The following ABCB1 variants were observed in gnomAD, a reference collection of about 807,000 sequenced individuals.
ABCB1 encodes ATP binding cassette subfamily B member 1, also known as ATP-dependent translocase ABCB1.
In ABCB1, 69 loss-of-function variants were observed where a neutral mutation model predicts 142.0. The ratio of observed to expected loss-of-function variants is 0.49; its 90% CI spans 0.40 to 0.59. The LOEUF is 0.59. Ranked by LOEUF, ABCB1 falls within the 20% of genes least tolerant of loss-of-function variation. ABCB1 has a pLI of 0.00. For missense variants in ABCB1, 1,326 were observed against 1,554.7 expected (o/e 0.85, Z 2.47); for synonymous variants, 532 against 539.2 (o/e 0.99, Z 0.18).
intron 1 of ABCB1, among the ~76,000 whole-genome samples, chr7:87,639,174 A>AC (rs1251347941): frequency 2.0e-5 from 3 of 151,730 alleles, no homozygotes. Flanking sequence ...AAAAAAAAAA[A>AC]AATCTATTGT....
chr7:87,702,162 A>AC (rs1471982944), intron 1 of ABCB1, among the ~76,000 whole-genome samples: 16 of 150,114 alleles, frequency 1.1e-4, no homozygotes, highest in African/African-American at 3.9e-4. Flanking sequence ...AAAAAAAAAA[A>AC]AAAAAAAAAA....
At chr7:87,692,767 A>C (rs1055107168) in intron 1 of ABCB1, among the ~76,000 whole-genome samples, 1 of 152,240 alleles carries the variant, frequency 6.6e-6, no homozygotes, top group African/African-American at 2.4e-5. Flanking sequence ...TCTGATTTAC[A>C]TTCAATGTTG....
chr7:87,622,016 T>C (rs1306059981), intron 1 of ABCB1, among the ~76,000 whole-genome samples: 1 of 152,158 alleles, frequency 6.6e-6, no homozygotes, highest in African/African-American at 2.4e-5. Flanking sequence ...ATAGGTTAAC[T>C]ATTTTTGATA....
At chr7:87,643,731 T>A (rs1822686813) in intron 1 of ABCB1, among the ~76,000 whole-genome samples, 1 of 151,790 alleles carries the variant, frequency 6.6e-6, no homozygotes, top group Non-Finnish European at 1.5e-5. Flanking sequence ...TTCACCATAT[T>A]GCCCAGGCTA....
At chr7:87,605,419 C>A (rs547842778), upstream of ABCB1, among the ~76,000 whole-genome samples, 1 of 152,302 alleles carries the variant, frequency 6.6e-6, no homozygotes, top group South Asian at 2.1e-4. Context: ...TAGGCATGAG[C>A]CACCACGCCC....
chr7:87,572,601 T>G (rs1231588049), intron 4 of ABCB1, among the ~76,000 whole-genome samples: 1 of 152,170 alleles, frequency 6.6e-6, no homozygotes, highest in Non-Finnish European at 1.5e-5. Flanking sequence ...TAAAGACACA[T>G]GCATGCATAT....
At chr7:87,674,164 G>A (rs2130540924) in intron 1 of ABCB1, among the ~76,000 whole-genome samples, 1 of 152,320 alleles carries the variant, frequency 6.6e-6, no homozygotes, top group East Asian at 1.9e-4. Context: ...CGAGGTGGTG[G>A]CAGTGGGATT....
intron 2 of ABCB1, among the ~76,000 whole-genome samples, chr7:87,598,589 A>C (rs142271545): frequency 7.6e-4 from 116 of 152,330 alleles, no homozygotes; most frequent in African/African-American, 2.6e-3. Context: ...CTATTATAAC[A>C]ATGGAAGTTC....
intron 25 of ABCB1, among the ~76,000 whole-genome samples, chr7:87,514,006 A>G (rs28401800): frequency 6.6e-6 from 1 of 152,222 alleles, no homozygotes; most frequent in African/African-American, 2.4e-5. Flanking sequence ...GAAAATATAA[A>G]GCAAGAGAGT....
At chr7:87,625,610 G>A (rs1339415190) in intron 1 of ABCB1, among the ~76,000 whole-genome samples, 1 of 152,254 alleles carries the variant, frequency 6.6e-6, no homozygotes, top group Non-Finnish European at 1.5e-5. Context: ...ATTTGTCATT[G>A]CCAGCGCAAA....
At chr7:87,700,887 G>A (rs1397209540) in intron 1 of ABCB1, among the ~76,000 whole-genome samples, 2 of 152,130 alleles carry the variant, frequency 1.3e-5, no homozygotes, top group Non-Finnish European at 2.9e-5. Flanking sequence ...TAAAACTGTT[G>A]GAACCTTAGC....
At chr7:87,691,229 A>C (rs1827988558) in intron 1 of ABCB1, among the ~76,000 whole-genome samples, 2 of 152,304 alleles carry the variant, frequency 1.3e-5, no homozygotes, top group South Asian at 4.1e-4. Context: ...AAAATTATGA[A>C]TCAATTATTT....
At position 87,536,504 on chromosome 7, in the gene ABCB1, C is replaced by T; in HGVS notation, c.2435G>A (p.Gly812Glu). The T allele has an allele frequency of 2.5e-6, 4 of 1,613,926 alleles. No homozygotes were observed. Among genetic ancestry groups the T allele is most frequent in the Non-Finnish European group, 3.4e-6 (4 of 1,179,888 alleles). The change falls in exon 20 of 28, where the codon GGA (glycine) becomes GAA (glutamate). Residue 812 changes from glycine to glutamate, a missense_variant. Physicochemically the swap from Gly to Glu is moderately conservative, Grantham distance 98 (BLOSUM62 -2). Coordinates refer to ENST00000622132, the MANE Select transcript of ABCB1 (RefSeq NM_001348946.2). Reference sequence around the variant, plus strand: ...ATTGGCGAGCCTGGTAGTCAATGCTCCAGTGGTGTTTTTAGGGTCATCAAA... The same window carrying T: ...ATTGGCGAGCCTGGTAGTCAATGCTTCAGTGGTGTTTTTAGGGTCATCAAA... ...SWFDDPKNTT[G>E]ALTTRLANDA...
rs370840500 is a variant in ABCB1 at position 87,589,805 on chromosome 7, G to GGAGAGAGAGAGAGAGA, written c.118-4141_118-4126dup. ...AAAAAAAGAAAGAGAGAGAGAGAGA[G>GGAGAGAGAGAGAGAGA]GAGAGAGAGAGAGAGAGAGAGAGAG... On this transcript the variant is annotated intron_variant, in intron 3 of 27. Transcript: ENST00000622132. Among the ~76,000 whole-genome samples, 568 of 105,318 alleles carry GGAGAGAGAGAGAGAGA rather than the reference G, an allele frequency of 5.4e-3. 11 individuals carry two copies. The highest frequency in any genetic ancestry group is 0.026 in the African/African-American group (433 of 16,968). The allele number at this position is 105,318 out of a possible 152,430, so 69.1% of individuals were successfully genotyped here. A position where few individuals can be genotyped will look rare whatever the true frequency, so the allele number is the denominator to read the frequency against.
At chr7:87,642,441 T>C (rs1241735869) in intron 1 of ABCB1, among the ~76,000 whole-genome samples, 1 of 152,110 alleles carries the variant, frequency 6.6e-6, no homozygotes, top group African/African-American at 2.4e-5. Context: ...GGATAAAGAA[T>C]AATTGGATTC....
upstream of ABCB1, among the ~76,000 whole-genome samples, chr7:87,603,859 A>G (rs1819553039): frequency 6.6e-6 from 1 of 152,238 alleles, no homozygotes; most frequent in South Asian, 2.1e-4. Context: ...GGTAAAGAGT[A>G]GATAGTATCT....
At chr7:87,519,249 G>T in intron 23 of ABCB1, 77 bp downstream of exon 23, 1 of 1,421,796 alleles carries the variant, frequency 7.0e-7, no homozygotes, top group Non-Finnish European at 9.9e-7. Context: ...TCACAGTAGG[G>T]TTTCCTATCT....
At chr7:87,558,627 GT>G (rs1159560604) in intron 8 of ABCB1, among the ~76,000 whole-genome samples, 3 of 151,290 alleles carry the variant, frequency 2.0e-5, no homozygotes, top group Admixed American at 6.6e-5. Context: ...TTCATTATTT[GT>G]TTTTTATTTT....
chr7:87,559,696 T>C (rs1157472949), intron 8 of ABCB1, among the ~76,000 whole-genome samples: 5 of 152,332 alleles, frequency 3.3e-5, no homozygotes, highest in African/African-American at 1.2e-4. Context: ...TCATTTTTAA[T>C]GTGAAATCCT....
Sources: gnomAD v4.1 joint callset for allele counts (sites outside exome capture counted in the v4.1 genomes callset) on GRCh38, gnomAD v4.1.1 for gene constraint, MANE v1.5 for transcripts, NCBI Gene and HGNC (gene_info 2026-07-23, HGNC 2026-07-21) for gene names.